Variants in DAB2IP observed in about 807,000 individuals in gnomAD.
DAB2IP encodes disabled homolog 2-interacting protein.
A neutral mutation model predicts 107.2 loss-of-function variants in DAB2IP; 28 were observed. The observed-to-expected ratio is 0.26, with a 90% CI of 0.19 to 0.36. DAB2IP has a LOEUF of 0.36. Among genes scored for constraint, DAB2IP ranks in the 10% least tolerant of loss-of-function variants. The pLI is 1.00. For synonymous variants in DAB2IP, 755 were observed against 706.4 expected (o/e 1.07, Z -1.09); for missense variants, 1,400 against 1,644.7 (o/e 0.85, Z 2.57).
chr9:121,679,467 C>T (rs938210643), intron 2 of DAB2IP, among the ~76,000 whole-genome samples: 1 of 148,482 alleles, frequency 6.7e-6, no homozygotes, highest in East Asian at 2.0e-4. Flanking sequence ...AGTTCTGGGT[C>T]CCTTCACTCC....
intron 3 of DAB2IP, among the ~76,000 whole-genome samples, chr9:121,738,015 G>T (rs1832050710): frequency 6.6e-6 from 1 of 152,070 alleles, no homozygotes; most frequent in Non-Finnish European, 1.5e-5. Context: ...AGCAAGCCCT[G>T]CCCTCCTGGA....
chr9:121,641,847 TTTTTCTTTCTTTC>T (rs1310932638), intron 1 of DAB2IP, among the ~76,000 whole-genome samples: 1 of 147,954 alleles, frequency 6.8e-6, no homozygotes, highest in Non-Finnish European at 1.5e-5. Context: ...TCTTTCTTTC[TTTTTCTTTCTTTC>T]TTTTCTTTCT....
intron 1 of DAB2IP, chr9:121,575,287 A>G (rs1451737210): frequency 6.5e-6 from 1 of 154,474 alleles, no homozygotes; most frequent in Non-Finnish European, 1.4e-5. Flanking sequence ...AGAGCCTCGG[A>G]GGGATGGGGA....
At chr9:121,625,694 G>A (rs1757331) in intron 1 of DAB2IP, among the ~76,000 whole-genome samples, 143,970 of 150,138 alleles carry the variant, frequency 0.96, 69,379 homozygotes, top group East Asian at 1. Context: ...AATGATGCCA[G>A]TTCTGAACTG....
chr9:121,743,659 A>C (rs974789332), intron 3 of DAB2IP, among the ~76,000 whole-genome samples: 1 of 152,214 alleles, frequency 6.6e-6, no homozygotes, highest in African/African-American at 2.4e-5. Flanking sequence ...AGCGGACAGC[A>C]GGAAGGCTCG....
At chr9:121,785,183 C>G (rs939983658) in exon 16 of DAB2IP, 1 of 152,656 alleles carries the variant, frequency 6.6e-6, no homozygotes, top group Non-Finnish European at 1.5e-5. Flanking sequence ...GGCTACAGCT[C>G]CACACGCCCC....
intron 11 of DAB2IP, among the ~76,000 whole-genome samples, chr9:121,771,489 G>T (rs1318980392): frequency 6.6e-6 from 1 of 152,146 alleles, no homozygotes; most frequent in South Asian, 2.1e-4. Flanking sequence ...CAAGAACCTG[G>T]GGTTAGGGGA....
chr9:121,685,565 G>T (rs1363503242), intron 2 of DAB2IP, among the ~76,000 whole-genome samples: 3 of 152,268 alleles, frequency 2.0e-5, no homozygotes, highest in Admixed American at 6.5e-5. Flanking sequence ...CAGGTCTCCA[G>T]CTGGTGGGTG....
intron 3 of DAB2IP, among the ~76,000 whole-genome samples, chr9:121,741,939 CA>C (rs1832378902): frequency 6.6e-6 from 1 of 151,858 alleles, no homozygotes; most frequent in African/African-American, 2.4e-5. Flanking sequence ...ACACAGGTTA[CA>C]AGTGGCAGAG....
chr9:121,583,085 AT>A (rs1830235262), intron 1 of DAB2IP, among the ~76,000 whole-genome samples: 1 of 152,212 alleles, frequency 6.6e-6, no homozygotes. Context: ...ACAAAACATA[AT>A]TTTAGAAAAC....
chr9:121,731,760 C>G (rs530636750), intron 3 of DAB2IP, among the ~76,000 whole-genome samples: 1 of 152,296 alleles, frequency 6.6e-6, no homozygotes, highest in East Asian at 1.9e-4. Flanking sequence ...GGCATTAGAT[C>G]TCTTCTTTTG....
At chr9:121,656,571 T>C (rs1031364388) in intron 1 of DAB2IP, among the ~76,000 whole-genome samples, 1 of 152,194 alleles carries the variant, frequency 6.6e-6, no homozygotes, top group African/African-American at 2.4e-5. Flanking sequence ...GCCCTAGCCT[T>C]TCCAGTCCCT....
chr9:121,731,453 G>T (rs1051421871), intron 3 of DAB2IP, among the ~76,000 whole-genome samples: 1 of 152,218 alleles, frequency 6.6e-6, no homozygotes, highest in African/African-American at 2.4e-5. Flanking sequence ...CTGCCCCTCT[G>T]CCCTCCTTGA....
At chr9:121,729,941 C>T (rs1831433096) in intron 3 of DAB2IP, among the ~76,000 whole-genome samples, 1 of 152,122 alleles carries the variant, frequency 6.6e-6, no homozygotes, top group Non-Finnish European at 1.5e-5. Flanking sequence ...CTCCCAGCAA[C>T]CTTGGGAGGT....
rs145754287 is a variant in DAB2IP at position 121,589,916 on chromosome 9, C to CTCCCTTCCCTTCCCTTCCCT, written c.40+22742_40+22761dup. Among the ~76,000 whole-genome samples the CTCCCTTCCCTTCCCTTCCCT allele has an allele frequency of 6.7e-3, 626 of 93,226 alleles. 2 individuals carry two copies. The highest frequency in any genetic ancestry group is 8.8e-3 in the African/African-American group (230 of 26,140). The allele number at this position is 93,226 out of a possible 152,430, so 61.2% of individuals were successfully genotyped here. A position where few individuals can be genotyped will look rare whatever the true frequency, so the allele number is the denominator to read the frequency against. On this transcript the variant is annotated intron_variant, in intron 1 of 16. Coordinates refer to the DAB2IP transcript ENST00000259371. ...CAATTCCTCCTTCTGCCCAGTCCTG[C>CTCCCTTCCCTTCCCTTCCCT]TCCCTTCCCTTCCCTTCCCTTCCCT...
At chr9:121,732,408 C>T (rs986556002) in intron 3 of DAB2IP, among the ~76,000 whole-genome samples, 4 of 152,160 alleles carry the variant, frequency 2.6e-5, no homozygotes, top group African/African-American at 9.7e-5. Flanking sequence ...AAAGTCATCA[C>T]CATAAGACAC....
chr9:121,658,990 T>TC (rs1406361991), intron 1 of DAB2IP, among the ~76,000 whole-genome samples: 109 of 152,346 alleles, frequency 7.2e-4, no homozygotes, highest in Non-Finnish European at 6.9e-4. Flanking sequence ...GAGAGTACTA[T>TC]CGGCATCTGG....
chr9:121,783,660 C>A, exon 16 of DAB2IP: 1 of 1,345,582 alleles, frequency 7.4e-7, no homozygotes, highest in Non-Finnish European at 1.1e-6. Flanking sequence ...CTCTCCAAGA[C>A]AGCAGCAGCC....
intron 1 of DAB2IP, among the ~76,000 whole-genome samples, chr9:121,670,062 C>T (rs373362398): frequency 6.6e-6 from 1 of 152,204 alleles, no homozygotes; most frequent in Admixed American, 6.5e-5. Flanking sequence ...TTTAACATCA[C>T]ATCCACCTGC....
Sources: gnomAD v4.1 joint callset for allele counts (sites outside exome capture counted in the v4.1 genomes callset) on GRCh38, gnomAD v4.1.1 for gene constraint, MANE v1.5 for transcripts, NCBI Gene and HGNC (gene_info 2026-07-23, HGNC 2026-07-21) for gene names.